The following MYL1 variants were observed in gnomAD, a reference collection of about 807,000 sequenced individuals.
MYL1 encodes the protein myosin light chain 1/3, skeletal muscle isoform.
A neutral mutation model predicts 21.8 loss-of-function variants in MYL1; 16 were observed. The ratio of observed to expected loss-of-function variants is 0.74; its 90% CI spans 0.50 to 1.12. MYL1 has a LOEUF of 1.12. Among genes scored for constraint, MYL1 ranks in the 50% most tolerant of loss-of-function variants. MYL1 has a pLI of 0.00. For missense variants in MYL1, 246 were observed against 241.0 expected (o/e 1.02, Z -0.14); for synonymous variants, 99 against 85.2 (o/e 1.16, Z -0.89).
chr2:210,308,649 C>T (rs1690375367), intron 1 of MYL1, among the ~76,000 whole-genome samples: 1 of 151,410 alleles, frequency 6.6e-6, no homozygotes, highest in Non-Finnish European at 1.5e-5. Flanking sequence ...ACTATTAAAA[C>T]AAAACAATTC....
At chr2:210,309,456 T>G (rs559699135) in intron 1 of MYL1, among the ~76,000 whole-genome samples, 1 of 152,152 alleles carries the variant, frequency 6.6e-6, no homozygotes, top group African/African-American at 2.4e-5. Context: ...TCACTGTTAT[T>G]AATTTGTGAC....
At chr2:210,302,976 G>T in intron 1 of MYL1, 1 of 599,020 alleles carries the variant, frequency 1.7e-6, no homozygotes, top group Non-Finnish European at 3.0e-6. Flanking sequence ...AAGATAATTA[G>T]GGAATATCTT....
intron 1 of MYL1, chr2:210,303,491 CTCTA>C: frequency 6.4e-7 from 1 of 1,550,618 alleles, no homozygotes; most frequent in Non-Finnish European, 8.9e-7. Flanking sequence ...AGATCATATC[CTCTA>C]TCTATTTTCT....
At chr2:210,309,370 C>T (rs574093333) in intron 1 of MYL1, among the ~76,000 whole-genome samples, 1 of 152,034 alleles carries the variant, frequency 6.6e-6, no homozygotes, top group Admixed American at 6.6e-5. Context: ...GGTACTTTAT[C>T]ACAGTGAAAG....
intron 1 of MYL1, among the ~76,000 whole-genome samples, chr2:210,304,046 T>A (rs1690303322): frequency 6.6e-6 from 1 of 152,214 alleles, no homozygotes; most frequent in Admixed American, 6.5e-5. Context: ...GCAACTGCTA[T>A]AGCAGGAGCA....
intron 1 of MYL1, chr2:210,302,948 C>T (rs989162319): frequency 1.5e-5 from 10 of 651,252 alleles, no homozygotes; most frequent in Admixed American, 3.2e-5. Context: ...AATCTAGGAA[C>T]ATAAAAAGCT....
chr2:210,306,858 C>T (rs987088221), intron 1 of MYL1, among the ~76,000 whole-genome samples: 3 of 151,896 alleles, frequency 2.0e-5, no homozygotes, highest in Admixed American at 1.3e-4. Context: ...AATGACAAAA[C>T]TTATCTTCTC....
At chr2:210,293,247 T>TG (rs138134341) in intron 5 of MYL1, among the ~76,000 whole-genome samples, 1,819 of 152,314 alleles carry the variant, frequency 0.012, 39 homozygotes, top group African/African-American at 0.041. Flanking sequence ...TTGGCAACTG[T>TG]GGGCTGACTT....
chr2:210,296,600 C>T (rs1401191114), intron 3 of MYL1, among the ~76,000 whole-genome samples: 2 of 152,082 alleles, frequency 1.3e-5, no homozygotes, highest in African/African-American at 2.4e-5. Flanking sequence ...GCCTGGGCAA[C>T]ATGGCAAGGT....
intron 1 of MYL1, among the ~76,000 whole-genome samples, chr2:210,305,413 G>A (rs145946867): frequency 7.2e-5 from 11 of 152,142 alleles, no homozygotes; most frequent in African/African-American, 1.4e-4. Flanking sequence ...GAAAGACAAA[G>A]GTGGAAATGT....
chr2:210,302,401 G>C, intron 2 of MYL1, 87 bp downstream of exon 2: 6 of 1,264,604 alleles, frequency 4.7e-6, no homozygotes, highest in Non-Finnish European at 6.6e-6. Flanking sequence ...TAATTAGGAA[G>C]AGCTAAACTC....
chr2:210,291,086 A>C lies in MYL1; in HGVS notation c.557-12T>G, dbSNP rs760414657. 1.8e-4 allele frequency: 286 copies of C among 1,599,648 alleles called. 1 individual carries two copies. Among genetic ancestry groups the C allele is most frequent in the Non-Finnish European group, 1.1e-4 (129 of 1,168,568 alleles). ...GTGCTTGACAAAAGCTGTAGGAGCA[A>C]AATAGACAAAATAGACAATTTAGAG... On this transcript the variant is annotated splice_polypyrimidine_tract_variant and intron_variant, in intron 5 of 6. Coordinates refer to ENST00000352451, the MANE Select transcript of MYL1 (RefSeq NM_079420.3).
At chr2:210,295,388 C>T (rs969722137) in intron 3 of MYL1, among the ~76,000 whole-genome samples, 1 of 152,096 alleles carries the variant, frequency 6.6e-6, no homozygotes, top group Non-Finnish European at 1.5e-5. Flanking sequence ...AACATCACCA[C>T]TTTGGGAAGC....
At chr2:210,296,991 T>TTGTG (rs36073440) in intron 3 of MYL1, among the ~76,000 whole-genome samples, 495 of 143,224 alleles carry the variant, frequency 3.5e-3, no homozygotes, top group East Asian at 0.011. Flanking sequence ...TAGTATTCCA[T>TTGTG]TGTGTGTGTG....
chr2:210,302,826 A>T, intron 1 of MYL1: 1 of 1,552,518 alleles, frequency 6.4e-7, no homozygotes, highest in South Asian at 1.2e-5. Flanking sequence ...AAAGAAAAAA[A>T]ACTAGTACTC....
At chr2:210,303,088 G>T in intron 1 of MYL1, 1 of 427,074 alleles carries the variant, frequency 2.3e-6, no homozygotes, top group Non-Finnish European at 4.2e-6. Context: ...CGGTGTTAAA[G>T]TACAGATATA....
intron 1 of MYL1, among the ~76,000 whole-genome samples, chr2:210,312,415 A>G (rs1690429597): frequency 1.3e-5 from 2 of 151,900 alleles, no homozygotes; most frequent in Admixed American, 1.3e-4. Flanking sequence ...AAAAAATTGT[A>G]TAGCTTTTAT....
rs573945142 is a variant in MYL1 at position 210,295,692 on chromosome 2, T to A, written c.305-1274A>T. Among the ~76,000 whole-genome samples the A allele has an allele frequency of 3.0e-4, 46 of 151,544 alleles. No homozygotes were observed. The South Asian group carries it at 9.2e-3, about 30-fold the overall frequency. On this transcript the variant is annotated intron_variant, in intron 3 of 6. Coordinates refer to ENST00000352451, the MANE Select transcript of MYL1 (RefSeq NM_079420.3). Reference sequence around the variant, plus strand: ...TAAAATTAGGTTTGGCTGGGTGTGGTGGCTCACGCCTATAATCCCAGCACT... The same window carrying A: ...TAAAATTAGGTTTGGCTGGGTGTGGAGGCTCACGCCTATAATCCCAGCACT...
intron 2 of MYL1, among the ~76,000 whole-genome samples, chr2:210,302,271 C>T (rs1221935415): frequency 6.6e-6 from 1 of 151,972 alleles, no homozygotes; most frequent in South Asian, 2.1e-4. Flanking sequence ...ATTTGTGGTG[C>T]TTATCTTTTG....
Sources: allele counts gnomAD v4.1 joint callset (sites outside exome capture counted in the v4.1 genomes callset), GRCh38; gene constraint gnomAD v4.1.1; transcripts MANE v1.5; gene names NCBI Gene and HGNC (gene_info 2026-07-23, HGNC 2026-07-21).